NPR1: variants seen among roughly 807,000 people sequenced by gnomAD.
The protein encoded by NPR1 is atrial natriuretic peptide receptor 1.
NPR1 carries 57 observed loss-of-function variants against 116.9 expected under a neutral mutation model. The ratio of observed to expected loss-of-function variants is 0.49; its 90% CI spans 0.39 to 0.61. NPR1 has a LOEUF of 0.61. Among genes scored for constraint, NPR1 ranks in the 20% least tolerant of loss-of-function variants. The pLI, the probability that NPR1 is intolerant of heterozygous loss-of-function variation, is 0.00. For missense variants in NPR1, 1,096 were observed against 1,409.8 expected (o/e 0.78, Z 3.56); for synonymous variants, 555 against 601.6 (o/e 0.92, Z 1.13).
At chr1:153,688,916 C>T in intron 15 of NPR1, 37 bp from the exon 16 acceptor site, 1 of 1,613,272 alleles carries the variant, frequency 6.2e-7, no homozygotes, top group Non-Finnish European at 8.5e-7. Context: ...TGTGCTGCTC[C>T]TCTCTTACCA....
chr1:153,678,985 TCC>T lies in NPR1; in HGVS notation c.-121_-120del. On this transcript the variant is annotated 5_prime_UTR_variant, in exon 1 of 22. Transcript: ENST00000368680. This position sits in a 1 kb window ranked among gnomAD's most constrained non-coding sequence, Gnocchi z 5.8. Reference sequence around the variant, plus strand: ...GGGGCCTCGAGCCCCGGGGTGAGCGTCCCCGTCCCGCTCCTGCTCCTTCCCAT... The same window carrying T: ...GGGGCCTCGAGCCCCGGGGTGAGCGTCCGTCCCGCTCCTGCTCCTTCCCAT... 1 of 1,229,118 alleles carries T rather than the reference TCC, an allele frequency of 8.1e-7. No individual in the cohort carries two copies. 76.1% of individuals were successfully genotyped at this position (1,229,118 alleles called of 1,614,324 possible).
At chr1:153,683,338 C>T in intron 5 of NPR1, 38 bp from the exon 6 acceptor site, 2 of 1,600,862 alleles carry the variant, frequency 1.2e-6, no homozygotes, top group Non-Finnish European at 1.7e-6. Flanking sequence ...GCCTTCCCCG[C>T]AGGCCCTGGC....
chr1:153,682,611 A>G, intron 5 of NPR1, 22 bp downstream of exon 5: 1 of 1,570,960 alleles, frequency 6.4e-7, no homozygotes, highest in East Asian at 2.2e-5. Context: ...CACCCAGAAG[A>G]CAGTGCCAAT....
intron 11 of NPR1, 33 bp downstream of exon 11, chr1:153,686,783 G>C (rs61758563): frequency 1.9e-6 from 3 of 1,586,580 alleles, no homozygotes; most frequent in Non-Finnish European, 2.6e-6. Flanking sequence ...AGAAACCTGG[G>C]TTCTAGCCCT....
chr1:153,693,288 G>A, intron 21 of NPR1, 64 bp from the exon 22 acceptor site: 1 of 1,601,986 alleles, frequency 6.2e-7, no homozygotes, highest in South Asian at 1.1e-5. Flanking sequence ...CATCCCTAAG[G>A]CTCTCATCTG....
In NPR1 at chr1:153,688,156, G is replaced by A. The variant is rs370665754; in HGVS notation, c.2352G>A (p.Trp784Ter). Residue 784 changes from tryptophan (W) to a stop codon, truncating the protein, a stop_gained, in exon 15 of 22, where the codon TGG (tryptophan) becomes TGA (stop). Coordinates refer to ENST00000368680, the MANE Select transcript of NPR1 (RefSeq NM_000906.4). LOFTEE classifies it high-confidence loss of function. ...TGGGGCTGCTCATGCAGCGGTGCTGGGCTGAGGACCCACAGGAGAGGCCAC... is the reference window on the plus strand; with the variant it reads ...TGGGGCTGCTCATGCAGCGGTGCTGAGCTGAGGACCCACAGGAGAGGCCAC... ...EELGLLMQRC[W>*]AEDPQERPPF... The A allele has an allele frequency of 1.9e-6, 3 of 1,613,830 alleles. No homozygotes were observed. The highest frequency in any genetic ancestry group is 1.7e-6 in the Non-Finnish European group (2 of 1,179,918).
chr1:153,690,773 C>G (rs12047683), intron 20 of NPR1, among the ~76,000 whole-genome samples: 1 of 151,724 alleles, frequency 6.6e-6, no homozygotes, highest in African/African-American at 2.4e-5. Context: ...GAAATCCCGT[C>G]TCTACTAAAA....
intron 9 of NPR1, 25 bp downstream of exon 9, chr1:153,685,905 G>GCCT: frequency 6.3e-7 from 1 of 1,599,688 alleles, no homozygotes; most frequent in Non-Finnish European, 8.6e-7. Context: ...AGATCACTGG[G>GCCT]CCTTGGGACT....
At chr1:153,683,966 C>A in intron 7 of NPR1, 142 bp downstream of exon 7, 1 of 702,694 alleles carries the variant, frequency 1.4e-6, no homozygotes, top group Non-Finnish European at 2.5e-6. Context: ...AGAAAGGAGG[C>A]TTAAAAGCCA....
chr1:153,689,660 G>C lies in NPR1; in HGVS notation c.2757+139G>C, dbSNP rs757371626. 8.3e-7 allele frequency: 1 copy of C among 1,210,906 alleles called. No individual in the cohort carries two copies. Among genetic ancestry groups the C allele is most frequent in the Non-Finnish European group, 1.2e-6 (1 of 851,874 alleles). The allele number at this position is 1,210,906 out of a possible 1,614,324, so 75.0% of individuals were successfully genotyped here. A position where few individuals can be genotyped will look rare whatever the true frequency, so the allele number is the denominator to read the frequency against. ...CAGAGACAGTGACACAGGGAGACCC[G>C]GGAACAGGCAGAGAACCCATGTGGG... On this transcript the variant is annotated intron_variant, in intron 18 of 21. Coordinates refer to ENST00000368680, the MANE Select transcript of NPR1 (RefSeq NM_000906.4). The surrounding 1 kb of genome is among the most constrained non-coding windows in gnomAD (Gnocchi z 5.1).
Position 153,681,160 on chromosome 1 carries a change from T to C in NPR1, c.922-20T>C, listed in dbSNP as rs769754976. 6.8e-7 allele frequency: 1 copy of C among 1,462,312 alleles called. No individual in the cohort carries two copies. The highest frequency in any genetic ancestry group is 1.4e-5 in the African/African-American group (1 of 71,768). The allele number at this position is 1,462,312 out of a possible 1,614,324, so 90.6% of individuals were successfully genotyped here. A position where few individuals can be genotyped will look rare whatever the true frequency, so the allele number is the denominator to read the frequency against. ...ATAGTCAGCTCCCAACTCTCTGCTC[T>C]CCACTGACCCCTTTCTCAGGCTGCC... On this transcript the variant is annotated intron_variant, in intron 2 of 21. Transcript: ENST00000368680.
rs1409386502 is a variant in NPR1, at chr1:153,693,153, T to G, written c.3079T>G (p.Phe1027Val). 2 of 1,613,562 alleles carry G rather than the reference T, an allele frequency of 1.2e-6. No homozygotes were observed. The highest frequency in any genetic ancestry group is 2.7e-5 in the African/African-American group (2 of 74,806). Residue 1027 changes from phenylalanine (F) to valine (V), a missense_variant, in exon 21 of 22, where the codon TTT becomes GTT. Phe to Val is a conservative substitution (Grantham distance 50). Transcript: ENST00000368680. ...TGAGACCAAGGCTGTCCTGGAGGAG[T>G]TTGGTGGTTTCGAGCTGGAGCTTCG... is the stretch of plus-strand genomic sequence containing the variant. ...SSETKAVLEE[F>V]GGFELELRGD...
At chr1:153,686,832 C>A in intron 11 of NPR1, 82 bp downstream of exon 11, 1 of 1,379,884 alleles carries the variant, frequency 7.2e-7, no homozygotes, top group Non-Finnish European at 1.0e-6. Context: ...CCAGGCATGC[C>A]TCGCCCTCTT....
intron 15 of NPR1, 60 bp downstream of exon 15, chr1:153,688,281 T>G: frequency 1.9e-6 from 3 of 1,559,166 alleles, no homozygotes; most frequent in Non-Finnish European, 2.6e-6. Flanking sequence ...ATTTACCTAA[T>G]GCTTCTGGCT....
rs769533672 is a variant in NPR1 at position 153,689,918 on chromosome 1, G to A, written c.2870G>A (p.Arg957His). 33 of 1,559,078 alleles carry A rather than the reference G, an allele frequency of 2.1e-5. No homozygotes were observed. Among genetic ancestry groups the A allele is most frequent in the Middle Eastern group, 3.3e-4 (2 of 6,008 alleles). ...RMALALLDAV[R>H]SFRIRHRPQE... ...GCCCTGGCACTGCTGGATGCTGTGC[G>A]CTCCTTCCGAATCCGCCACCGGCCC... The change falls in exon 19 of 22, where the codon CGC becomes CAC. Residue 957 changes from arginine (R) to histidine (H), a missense_variant. Physicochemically the swap from Arg to His is conservative, Grantham distance 29. Coordinates refer to ENST00000368680, the MANE Select transcript of NPR1 (RefSeq NM_000906.4). This position sits in a 1 kb window ranked among gnomAD's most constrained non-coding sequence, Gnocchi z 5.1.
Position 153,693,897 on chromosome 1 carries a change from T to G in NPR1, c.*483T>G. The G allele has an allele frequency of 2.5e-6, 1 of 398,320 alleles. No individual in the cohort carries two copies. The highest frequency in any genetic ancestry group is 4.4e-6 in the Non-Finnish European group (1 of 226,406). The allele number at this position is 398,320 out of a possible 1,614,324, so 24.7% of individuals were successfully genotyped here. On this transcript the variant is annotated 3_prime_UTR_variant, in exon 22 of 22. Transcript: ENST00000368680. The stretch of plus-strand genomic sequence containing the variant: ...CCCCTCCACCCAGCAGTAGACACAG[T>G]GCACAGGGGAGAAGAGGGGTGGCGC...
chr1:153,680,460 A>C (rs1443173844), intron 1 of NPR1, 41 bp from the exon 2 acceptor site: 1 of 1,595,630 alleles, frequency 6.3e-7, no homozygotes, highest in South Asian at 1.1e-5. Flanking sequence ...TCTCTCCCGC[A>C]GTACCTAGGC....
At chr1:153,683,954 G>C (rs1163691476) in intron 7 of NPR1, 130 bp downstream of exon 7, 1 of 743,708 alleles carries the variant, frequency 1.3e-6, no homozygotes, top group African/African-American at 1.7e-5. Flanking sequence ...GGGAGATGAG[G>C]AAGAAAGGAG....
Position 153,693,577 on chromosome 1 carries a change from G to T in NPR1, c.*163G>T, listed in dbSNP as rs1023340641. 3.5e-5 allele frequency: 21 copies of T among 599,298 alleles called. No homozygotes were observed. In the African/African-American group the frequency reaches 3.9e-4, roughly 11 times the overall value. The allele number at this position is 599,298 out of a possible 1,614,324, so 37.1% of individuals were successfully genotyped here. A position where few individuals can be genotyped will look rare whatever the true frequency, so the allele number is the denominator to read the frequency against. ...AGTGAAGACACCAGATAGGACCTCT[G>T]AGAGGGGACTGGCATGGGGGGATCT... On this transcript the variant is annotated 3_prime_UTR_variant, in exon 22 of 22. Transcript: ENST00000368680.
Sources: allele counts gnomAD v4.1 joint callset (sites outside exome capture counted in the v4.1 genomes callset), GRCh38; gene constraint gnomAD v4.1.1; non-coding constraint Gnocchi (gnomAD v3.1); transcripts MANE v1.5; gene names NCBI Gene and HGNC (gene_info 2026-07-23, HGNC 2026-07-21).